NVL: variants seen among roughly 807,000 people sequenced by gnomAD.
NVL encodes the protein nuclear VCP like, also known as nuclear valosin-containing protein-like.
A neutral mutation model predicts 110.2 loss-of-function variants in NVL; 84 were observed. The observed-to-expected ratio is 0.76, with a 90% CI of 0.64 to 0.91. NVL has a LOEUF of 0.91. NVL is among the 40% of genes least tolerant of loss of function. The pLI is 0.00. For missense variants in NVL, 882 were observed against 1,035.9 expected (o/e 0.85, Z 2.04); for synonymous variants, 354 against 361.1 (o/e 0.98, Z 0.22).
At chr1:224,253,068 CAG>C (rs1024942368) in intron 18 of NVL, among the ~76,000 whole-genome samples, 24 of 151,506 alleles carry the variant, frequency 1.6e-4, no homozygotes, top group South Asian at 6.2e-4. Flanking sequence ...TTTTTAATGA[CAG>C]AGTCTCACTC....
At chr1:224,258,945 C>A (rs573043914) in intron 18 of NVL, among the ~76,000 whole-genome samples, 10 of 125,590 alleles carry the variant, frequency 8.0e-5, no homozygotes, top group African/African-American at 3.0e-4. Context: ...GAGTGCGAGA[C>A]CAACCTGGTT....
chr1:224,312,792 G>A (rs1225366103), intron 4 of NVL: 3 of 136,542 alleles, frequency 2.2e-5, no homozygotes, highest in Non-Finnish European at 3.0e-5. Context: ...CTACACTCCA[G>A]CCTGGCCCAC....
rs774470691 is a variant in NVL at position 224,275,407 on chromosome 1, T to G, written c.2014A>C (p.Asn672His). 6.2e-7 allele frequency: 1 copy of G among 1,614,190 alleles called. No homozygotes were observed. The highest frequency in any genetic ancestry group is 1.7e-5 in the Admixed American group (1 of 60,018). The change falls in exon 17 of 23, where the codon AAC becomes CAC. Residue 672 changes from asparagine (N) to histidine (H), a missense_variant. By Grantham distance (68) the Asn-to-His change is moderately conservative. Transcript: ENST00000281701. ...AAGAATATCACACAGGGTGCTGAGT[T>G]CTTGGCTCGTTGAAAAACTTGTCGC... is the stretch of plus-strand genomic sequence containing the variant. Reference protein sequence around the residue: ...AVRQVFQRAKNSAPCVIFFDE... With the variant: ...AVRQVFQRAKHSAPCVIFFDE...
chr1:224,268,082 G>A lies in NVL; in HGVS notation c.2134C>T (p.Leu712=). 6.2e-7 allele frequency: 1 copy of A among 1,613,996 alleles called. No homozygotes were observed. The highest frequency in any genetic ancestry group is 1.1e-5 in the South Asian group (1 of 91,066). Residue 712 remains leucine (L), a synonymous_variant, in exon 18 of 23, where the codon CTG becomes TTG. Transcript: ENST00000281701. ...ATAAAAACCTGCTGGCGTGCTTCCA[G>A]ACCATCCATCTCTGTAAGTAGCTGA... ...VNQLLTEMDG[L]EARQQVFIMA...
At chr1:224,258,475 A>G (rs1663547796) in intron 18 of NVL, among the ~76,000 whole-genome samples, 1 of 152,232 alleles carries the variant, frequency 6.6e-6, no homozygotes, top group African/African-American at 2.4e-5. Context: ...GCCACTTTGG[A>G]AAAGAGTTTA....
Position 224,294,119 on chromosome 1 carries a change from T to C in NVL, c.1325+148A>G, listed in dbSNP as rs575984570. 1.0e-4 allele frequency: 88 copies of C among 855,128 alleles called. No individual in the cohort carries two copies. In the South Asian group the frequency reaches 1.5e-3, roughly 15 times the overall value. 53.0% of individuals were successfully genotyped at this position (855,128 alleles called of 1,614,324 possible). On this transcript the variant is annotated intron_variant, in intron 12 of 22. Coordinates refer to ENST00000281701, the MANE Select transcript of NVL (RefSeq NM_002533.4). ...CCAGGCATAAATGATTTTCTTAATG[T>C]GGGCTTCTCCTTTTCCAAATCAATT...
chr1:224,279,833 C>G (rs1666139218), intron 16 of NVL, among the ~76,000 whole-genome samples: 2 of 151,918 alleles, frequency 1.3e-5, no homozygotes, highest in Admixed American at 1.3e-4. Context: ...TCTCATAAAC[C>G]TCATACTTGA....
chr1:224,248,645 T>A (rs1472577517), intron 19 of NVL, among the ~76,000 whole-genome samples: 1 of 152,224 alleles, frequency 6.6e-6, no homozygotes, highest in Non-Finnish European at 1.5e-5. Flanking sequence ...ACCTTCATGC[T>A]GCAAATGTTG....
intron 17 of NVL, among the ~76,000 whole-genome samples, chr1:224,269,417 C>T (rs1664828212): frequency 6.6e-6 from 1 of 152,162 alleles, no homozygotes; most frequent in Non-Finnish European, 1.5e-5. Flanking sequence ...TGATAACCCA[C>T]CACCATTAGA....
At chr1:224,274,597 T>C (rs1448446420) in intron 17 of NVL, among the ~76,000 whole-genome samples, 4 of 150,060 alleles carry the variant, frequency 2.7e-5, no homozygotes, top group Non-Finnish European at 4.5e-5. Flanking sequence ...AGATGCACCA[T>C]TGCACTCCAG....
intron 19 of NVL, among the ~76,000 whole-genome samples, chr1:224,240,259 G>A (rs1661033777): frequency 6.6e-6 from 1 of 152,080 alleles, no homozygotes; most frequent in African/African-American, 2.4e-5. Context: ...AGTAGAGATG[G>A]GGTTTCACCA....
At chr1:224,311,430 C>T (rs1043387408) in intron 5 of NVL, among the ~76,000 whole-genome samples, 2 of 151,640 alleles carry the variant, frequency 1.3e-5, no homozygotes, top group Non-Finnish European at 2.9e-5. Flanking sequence ...GCAATCACGG[C>T]TCACTGCAGC....
intron 12 of NVL, among the ~76,000 whole-genome samples, chr1:224,293,866 C>A (rs1571976661): frequency 6.6e-6 from 1 of 152,140 alleles, no homozygotes; most frequent in East Asian, 1.9e-4. Context: ...CAGGTTGGAG[C>A]ACAGTGACAC....
intron 19 of NVL, 146 bp downstream of exon 19, chr1:224,250,066 T>C: frequency 1.5e-6 from 1 of 687,458 alleles, no homozygotes; most frequent in Non-Finnish European, 2.4e-6. Flanking sequence ...CGAAGATCAG[T>C]TCACCTTCCC....
rs1226288965 is a variant in NVL, at chr1:224,304,788, T to A, written c.773A>T (p.Gln258Leu). Residue 258 changes from glutamine to leucine, a missense_variant, in exon 8 of 23, where the codon CAG becomes CTG. Physicochemically the swap from Gln to Leu is moderately radical, Grantham distance 113. Transcript: ENST00000281701. ...KKAKARGLEF[Q>L]ISNVKFEDVG... is the part of the protein sequence containing the mutation. ...ATCTTCAAACTTCACGTTGGAGATCTGGAATTCTAACCCCCTGGCTTTAGC... is the reference window on the plus strand; with the variant it reads ...ATCTTCAAACTTCACGTTGGAGATCAGGAATTCTAACCCCCTGGCTTTAGC... 1.2e-6 allele frequency: 2 copies of A among 1,613,974 alleles called. No individual in the cohort carries two copies. The highest frequency in any genetic ancestry group is 1.7e-6 in the Non-Finnish European group (2 of 1,179,944).
intron 1 of NVL, among the ~76,000 whole-genome samples, chr1:224,326,864 T>TC (rs1278078298): frequency 6.6e-6 from 1 of 152,188 alleles, no homozygotes; most frequent in Non-Finnish European, 1.5e-5. Flanking sequence ...CAATTTAGTT[T>TC]CAATATTAAA....
At chr1:224,323,834 G>C (rs1670891851) in intron 2 of NVL, among the ~76,000 whole-genome samples, 1 of 152,178 alleles carries the variant, frequency 6.6e-6, no homozygotes, top group Non-Finnish European at 1.5e-5. Context: ...TCTAACATCT[G>C]AAAATCTAAT....
intron 12 of NVL, among the ~76,000 whole-genome samples, chr1:224,291,558 A>G (rs1043941843): frequency 1.3e-5 from 2 of 152,216 alleles, no homozygotes; most frequent in Admixed American, 1.3e-4. Flanking sequence ...CAAATTTTTT[A>G]AAATTTCACT....
intron 22 of NVL, among the ~76,000 whole-genome samples, chr1:224,229,684 G>A (rs1355765331): frequency 1.3e-5 from 2 of 151,948 alleles, no homozygotes; most frequent in Middle Eastern, 3.2e-3. Flanking sequence ...TCCTGACTTC[G>A]TGATCTGCCC....
Sources: allele counts gnomAD v4.1 joint callset (sites outside exome capture counted in the v4.1 genomes callset), GRCh38; gene constraint gnomAD v4.1.1; transcripts MANE v1.5; gene names NCBI Gene and HGNC (gene_info 2026-07-23, HGNC 2026-07-21).